The following SPATA16 variants were observed in gnomAD, a reference collection of about 807,000 sequenced individuals.
The protein encoded by SPATA16 is spermatogenesis associated 16.
A neutral mutation model predicts 63.3 loss-of-function variants in SPATA16; 36 were observed. The observed-to-expected ratio is 0.57, with a 90% CI of 0.44 to 0.75. SPATA16 has a LOEUF of 0.75. Ranked by LOEUF, SPATA16 falls within the 30% of genes least tolerant of loss-of-function variation. The pLI is 0.00. For missense variants in SPATA16, 646 were observed against 679.3 expected (o/e 0.95, Z 0.54); for synonymous variants, 203 against 216.7 (o/e 0.94, Z 0.56).
At chr3:172,901,333 G>A (rs934222108) in intron 10 of SPATA16, among the ~76,000 whole-genome samples, 1 of 152,154 alleles carries the variant, frequency 6.6e-6, no homozygotes, top group Non-Finnish European at 1.5e-5. Context: ...CTGAATAGCT[G>A]GGACTACAGG....
chr3:173,115,088 A>C (rs1737859177), intron 2 of SPATA16, among the ~76,000 whole-genome samples: 1 of 152,220 alleles, frequency 6.6e-6, no homozygotes, highest in South Asian at 2.1e-4. Context: ...GGAGAGAGAA[A>C]AAAAAGAGGT....
intron 6 of SPATA16, among the ~76,000 whole-genome samples, chr3:172,951,322 A>G (rs552028099): frequency 6.6e-6 from 1 of 152,140 alleles, no homozygotes; most frequent in Admixed American, 6.5e-5. Flanking sequence ...GTTCCTGAGC[A>G]TGTATAAACC....
intron 4 of SPATA16, among the ~76,000 whole-genome samples, chr3:172,998,765 G>C (rs1483370862): frequency 6.6e-6 from 1 of 152,020 alleles, no homozygotes; most frequent in Non-Finnish European, 1.5e-5. Context: ...TATTTGTTGA[G>C]TTTTGTCAAA....
chr3:173,080,287 A>G (rs930468120), intron 2 of SPATA16, among the ~76,000 whole-genome samples: 1 of 152,234 alleles, frequency 6.6e-6, no homozygotes, highest in East Asian at 1.9e-4. Context: ...AAGAATAGAC[A>G]AATTGCTCAG....
chr3:172,900,196 T>C (rs1283681021), intron 10 of SPATA16, among the ~76,000 whole-genome samples: 2 of 152,214 alleles, frequency 1.3e-5, no homozygotes, highest in Admixed American at 6.5e-5. Context: ...GATGTTTGCA[T>C]TGGGTTGGCA....
At chr3:172,988,634 T>C (rs565727695) in intron 4 of SPATA16, among the ~76,000 whole-genome samples, 47 of 152,168 alleles carry the variant, frequency 3.1e-4, no homozygotes, top group Non-Finnish European at 1.9e-4. Context: ...GAAGTTGAAT[T>C]TTACTTTATA....
chr3:173,012,897 A>G (rs1005263277), intron 4 of SPATA16, among the ~76,000 whole-genome samples: 45 of 152,164 alleles, frequency 3.0e-4, no homozygotes, highest in Admixed American at 2.7e-3. Context: ...CAGTGTCCTC[A>G]AAACATAATA....
chr3:173,019,460 C>A (rs1354614042), intron 4 of SPATA16, 26 bp downstream of exon 4: 2 of 1,585,556 alleles, frequency 1.3e-6, no homozygotes, highest in African/African-American at 1.3e-5. Context: ...TGATATAAAT[C>A]CTCACAAAAG....
intron 9 of SPATA16, 126 bp downstream of exon 9, chr3:172,916,191 G>T (rs577185273): frequency 6.0e-6 from 7 of 1,162,104 alleles, no homozygotes; most frequent in East Asian, 2.4e-5. Flanking sequence ...CTTCAAGAAG[G>T]TTTGGGAGTT....
intron 4 of SPATA16, among the ~76,000 whole-genome samples, chr3:172,991,595 T>C (rs1429188714): frequency 6.6e-6 from 1 of 152,208 alleles, no homozygotes; most frequent in Non-Finnish European, 1.5e-5. Context: ...GCAACCTTGA[T>C]TTTTACGCTG....
chr3:173,013,944 T>C (rs1318201697), intron 4 of SPATA16, among the ~76,000 whole-genome samples: 1 of 152,246 alleles, frequency 6.6e-6, no homozygotes, highest in African/African-American at 2.4e-5. Context: ...GGGCTGTGCC[T>C]GTTGCTGCCT....
intron 2 of SPATA16, among the ~76,000 whole-genome samples, chr3:173,082,712 CG>C (rs1020375458): frequency 1.3e-5 from 2 of 152,162 alleles, no homozygotes; most frequent in East Asian, 1.9e-4. Flanking sequence ...CCCCTCACCC[CG>C]TGTGCCTCTC....
chr3:173,105,087 G>T (rs1299002491), intron 2 of SPATA16, among the ~76,000 whole-genome samples: 2 of 152,276 alleles, frequency 1.3e-5, no homozygotes, highest in Admixed American at 6.5e-5. Context: ...TCAGATGGTG[G>T]TCTATTCTTT....
intron 3 of SPATA16, among the ~76,000 whole-genome samples, chr3:173,034,088 C>A (rs1735663528): frequency 6.6e-6 from 1 of 152,144 alleles, no homozygotes; most frequent in Non-Finnish European, 1.5e-5. Flanking sequence ...ACTTATGATT[C>A]ATTCGGCAAT....
chr3:173,024,161 AT>A (rs869044174), intron 3 of SPATA16, among the ~76,000 whole-genome samples: 10 of 151,568 alleles, frequency 6.6e-5, no homozygotes, highest in Non-Finnish European at 1.3e-4. Flanking sequence ...TTAAACATGT[AT>A]TTTTAAAAAT....
chr3:173,069,957 G>GAAA (rs35163779), intron 2 of SPATA16, among the ~76,000 whole-genome samples: 2 of 147,186 alleles, frequency 1.4e-5, no homozygotes, highest in African/African-American at 2.5e-5. Context: ...ATAAAAAGAC[G>GAAA]AAAAAAAAAA....
At chr3:172,916,206 C>G (rs1020059206) in intron 9 of SPATA16, 111 bp downstream of exon 9, 1 of 1,357,726 alleles carries the variant, frequency 7.4e-7, no homozygotes, top group South Asian at 1.2e-5. Context: ...GGAGTTTGCC[C>G]TCAGGCTACA....
At chr3:173,106,894 A>T (rs996228091) in intron 2 of SPATA16, among the ~76,000 whole-genome samples, 1 of 152,086 alleles carries the variant, frequency 6.6e-6, no homozygotes, top group African/African-American at 2.4e-5. Context: ...TAATCTATGT[A>T]TCTTTAATAA....
At chr3:173,006,272 A>G (rs1045246470) in intron 4 of SPATA16, among the ~76,000 whole-genome samples, 2 of 152,222 alleles carry the variant, frequency 1.3e-5, no homozygotes, top group Non-Finnish European at 2.9e-5. Flanking sequence ...TCCAGTGTGT[A>G]AATGTATGTT....
Sources: allele counts gnomAD v4.1 joint callset (sites outside exome capture counted in the v4.1 genomes callset), GRCh38; gene constraint gnomAD v4.1.1; transcripts MANE v1.5; gene names NCBI Gene and HGNC (gene_info 2026-07-23, HGNC 2026-07-21).